The following ZNF423 variants were observed in gnomAD, a reference collection of about 807,000 sequenced individuals.
The protein encoded by ZNF423 is zinc finger protein 423.
Under a neutral mutation model 95.8 loss-of-function variants are expected in ZNF423, and 12 were observed. That is an observed-to-expected ratio of 0.13 (90% CI 0.08 to 0.20). ZNF423 has a LOEUF of 0.20. ZNF423 is among the 10% of genes least tolerant of loss of function. ZNF423 has a pLI of 1.00. For synonymous variants in ZNF423, 749 were observed against 711.9 expected (o/e 1.05, Z -0.83); for missense variants, 1,316 against 1,737.1 (o/e 0.76, Z 4.31).
At chr16:49,758,336 G>A (rs1406935593) in intron 2 of ZNF423, among the ~76,000 whole-genome samples, 3 of 152,040 alleles carry the variant, frequency 2.0e-5, no homozygotes, top group African/African-American at 4.8e-5. Context: ...ACAGGGTTTC[G>A]TCATGTTGGC....
chr16:49,743,251 G>C (rs2033451984), intron 2 of ZNF423, among the ~76,000 whole-genome samples: 1 of 152,140 alleles, frequency 6.6e-6, no homozygotes, highest in South Asian at 2.1e-4. Context: ...TCACCGTTCA[G>C]GTCTCAGCTC....
chr16:49,833,790 G>T (rs1356973795), intron 1 of ZNF423, among the ~76,000 whole-genome samples: 1 of 152,014 alleles, frequency 6.6e-6, no homozygotes, highest in African/African-American at 2.4e-5. Flanking sequence ...GGGATTTCGT[G>T]GGAAGGGAGG....
intron 1 of ZNF423, among the ~76,000 whole-genome samples, chr16:49,830,927 A>G (rs1021439285): frequency 2.0e-5 from 3 of 152,068 alleles, no homozygotes; most frequent in African/African-American, 7.2e-5. Flanking sequence ...CAGGTGATAC[A>G]ATCCTGTGTC....
chr16:49,772,513 G>A (rs1425699280), intron 2 of ZNF423, among the ~76,000 whole-genome samples: 4 of 152,244 alleles, frequency 2.6e-5, no homozygotes, highest in South Asian at 2.1e-4. Context: ...TGGTGAACCC[G>A]TGGGTCAGGC....
chr16:49,651,564 T>A (rs1282237955), intron 3 of ZNF423, among the ~76,000 whole-genome samples: 1 of 152,178 alleles, frequency 6.6e-6, no homozygotes, highest in Non-Finnish European at 1.5e-5. Flanking sequence ...CCACTTACTA[T>A]GTGTGTGACC....
chr16:49,599,003 C>T (rs933080892), intron 5 of ZNF423, among the ~76,000 whole-genome samples: 1 of 152,168 alleles, frequency 6.6e-6, no homozygotes, highest in African/African-American at 2.4e-5. Context: ...GAAGAAAGCC[C>T]CAGTTTCTGA....
rs1053045562 is a variant in ZNF423, at chr16:49,789,799, C to T, written c.41-253G>A. Among the ~76,000 whole-genome samples the T allele has an allele frequency of 5.3e-5, 8 of 152,196 alleles. 1 individual carries two copies. Among genetic ancestry groups the T allele is most frequent in the Admixed American group, 3.3e-4 (5 of 15,282 alleles). On this transcript the variant is annotated intron_variant, in intron 1 of 7. Transcript: ENST00000563137. ...GGTTTCCCCAGCCCTGTGCCCCTGG[C>T]AGACATCACTAATCAATCTCAGCAC... is the stretch of plus-strand genomic sequence containing the variant.
chr16:49,698,598 G>C (rs2032060622), intron 3 of ZNF423, among the ~76,000 whole-genome samples: 1 of 152,172 alleles, frequency 6.6e-6, no homozygotes, highest in Admixed American at 6.5e-5. Flanking sequence ...GCTGTTCCAG[G>C]CCCTCAGCCC....
intron 3 of ZNF423, among the ~76,000 whole-genome samples, chr16:49,729,924 AG>A (rs1439956170): frequency 6.6e-6 from 1 of 152,156 alleles, no homozygotes; most frequent in African/African-American, 2.4e-5. Flanking sequence ...CTGAGATTTC[AG>A]GCTTTCTTCC....
intron 5 of ZNF423, among the ~76,000 whole-genome samples, chr16:49,525,754 G>A (rs1968579299): frequency 6.6e-6 from 1 of 152,172 alleles, no homozygotes; most frequent in South Asian, 2.1e-4. Flanking sequence ...TGATCAAGCA[G>A]CCAGGTGTGC....
intron 1 of ZNF423, among the ~76,000 whole-genome samples, chr16:49,845,636 G>T (rs577868905): frequency 1.1e-4 from 16 of 151,970 alleles, no homozygotes; most frequent in Non-Finnish European, 1.9e-4. Flanking sequence ...AACCTTCCGG[G>T]CTCAGGTGAT....
chr16:49,787,939 T>C (rs1180406988), intron 2 of ZNF423, among the ~76,000 whole-genome samples: 1 of 152,156 alleles, frequency 6.6e-6, no homozygotes, highest in East Asian at 1.9e-4. Context: ...TCAGGAGGAC[T>C]ACATGTCTGA....
intron 4 of ZNF423, among the ~76,000 whole-genome samples, chr16:49,628,447 T>G (rs1271034232): frequency 1.3e-5 from 2 of 151,742 alleles, no homozygotes; most frequent in African/African-American, 4.8e-5. Flanking sequence ...TCCATCCATC[T>G]ATTCACCCAT....
At chr16:49,838,673 G>C (rs1200537229) in intron 1 of ZNF423, among the ~76,000 whole-genome samples, 1 of 152,092 alleles carries the variant, frequency 6.6e-6, no homozygotes, top group Non-Finnish European at 1.5e-5. Flanking sequence ...CTGGGACCAG[G>C]AGTCCTGAGG....
intron 3 of ZNF423, among the ~76,000 whole-genome samples, chr16:49,705,545 T>G (rs1401603638): frequency 6.6e-6 from 1 of 152,226 alleles, no homozygotes; most frequent in Non-Finnish European, 1.5e-5. Flanking sequence ...GAGTTTATTT[T>G]ATTTTTTGTG....
intron 5 of ZNF423, among the ~76,000 whole-genome samples, chr16:49,583,339 T>C (rs567230098): frequency 1.2e-4 from 19 of 152,308 alleles, no homozygotes; most frequent in African/African-American, 3.6e-4. Context: ...CAGATAAAGC[T>C]GCCATTTGAC....
chr16:49,853,841 C>T, intron 1 of ZNF423: 1 of 985,398 alleles, frequency 1.0e-6, no homozygotes, highest in Non-Finnish European at 1.2e-6. Context: ...GTCTCGCCGT[C>T]TAACGTAAGG....
chr16:49,670,308 G>T (rs958875311), intron 3 of ZNF423, among the ~76,000 whole-genome samples: 22 of 152,226 alleles, frequency 1.4e-4, no homozygotes, highest in African/African-American at 5.1e-4. Context: ...CTGCCTCTGC[G>T]AGAGTTCAGT....
upstream of ZNF423, among the ~76,000 whole-genome samples, chr16:49,858,730 C>G (rs1257507873): frequency 3.3e-5 from 3 of 90,860 alleles, no homozygotes; most frequent in African/African-American, 1.2e-4. The surrounding 1 kb of genome is among the most constrained non-coding windows in gnomAD (Gnocchi z 4.3). Flanking sequence ...CCCCCCCCCA[C>G]GCCCCCGCGG....
Sources: gnomAD v4.1 joint callset for allele counts (sites outside exome capture counted in the v4.1 genomes callset) on GRCh38, gnomAD v4.1.1 for gene constraint, Gnocchi (gnomAD v3.1) non-coding constraint, MANE v1.5 for transcripts, NCBI Gene and HGNC (gene_info 2026-07-23, HGNC 2026-07-21) for gene names.